IFT80: variants seen among roughly 807,000 people sequenced by gnomAD.
IFT80 encodes the protein intraflagellar transport 80, also known as intraflagellar transport protein 80 homolog.
A neutral mutation model predicts 107.9 loss-of-function variants in IFT80; 79 were observed. The observed-to-expected ratio is 0.73, with a 90% confidence interval of 0.61 to 0.88. The LOEUF (loss-of-function observed/expected upper bound fraction) is 0.88. IFT80 is among the 40% of genes least tolerant of loss of function. The pLI, the probability that IFT80 is intolerant of heterozygous loss-of-function variation, is 0.00. For missense variants in IFT80, 797 were observed against 914.2 expected (o/e 0.87, Z 1.65); for synonymous variants, 299 against 300.9 (o/e 0.99, Z 0.07).
chr3:160,376,310 T>G (rs1490442887), intron 4 of IFT80, among the ~76,000 whole-genome samples: 1 of 152,226 alleles, frequency 6.6e-6, no homozygotes, highest in Admixed American at 6.6e-5. Flanking sequence ...ACTACTCTTT[T>G]GAACAGCTTT....
intron 8 of IFT80, among the ~76,000 whole-genome samples, chr3:160,331,265 T>G (rs546071823): frequency 6.6e-6 from 1 of 152,262 alleles, no homozygotes; most frequent in African/African-American, 2.4e-5. Flanking sequence ...TACGGGTGGG[T>G]AGTGTACAGA....
At chr3:160,329,737 A>G (rs1020733415) in intron 8 of IFT80, among the ~76,000 whole-genome samples, 2 of 152,202 alleles carry the variant, frequency 1.3e-5, no homozygotes, top group Non-Finnish European at 2.9e-5. Context: ...AAGCATAAAA[A>G]TACACAGGTT....
intron 19 of IFT80, among the ~76,000 whole-genome samples, chr3:160,265,501 T>C (rs1469632646): frequency 6.6e-6 from 1 of 152,222 alleles, no homozygotes; most frequent in Non-Finnish European, 1.5e-5. Flanking sequence ...ATATTTAATA[T>C]AATAAATGTA....
intron 6 of IFT80, 53 bp downstream of exon 6, chr3:160,365,990 A>T: frequency 7.5e-7 from 1 of 1,341,712 alleles, no homozygotes; most frequent in Non-Finnish European, 1.1e-6. Context: ...AGTGCCCTCT[A>T]GTTTAGCAGT....
At chr3:160,310,659 CTA>C (rs139740753) in intron 9 of IFT80, among the ~76,000 whole-genome samples, 22,755 of 152,040 alleles carry the variant, frequency 0.15, 2,148 homozygotes, top group Non-Finnish European at 0.21. Context: ...CAGTGGGAAG[CTA>C]TATGATAGAT....
At chr3:160,297,992 C>T (rs1240085416) in intron 12 of IFT80, among the ~76,000 whole-genome samples, 3 of 152,092 alleles carry the variant, frequency 2.0e-5, no homozygotes, top group Non-Finnish European at 4.4e-5. Context: ...AACTTCCAGA[C>T]ATTTGTTTCA....
At chr3:160,370,603 G>A (rs1425882481) in intron 5 of IFT80, among the ~76,000 whole-genome samples, 7 of 151,788 alleles carry the variant, frequency 4.6e-5, no homozygotes, top group African/African-American at 1.7e-4. Context: ...CTCCCTTGGG[G>A]GGTCTCAACT....
chr3:160,334,486 A>C (rs1559945761), intron 8 of IFT80, among the ~76,000 whole-genome samples: 2 of 147,684 alleles, frequency 1.4e-5, no homozygotes, highest in Non-Finnish European at 3.0e-5. Flanking sequence ...GCACGATCTC[A>C]GCTCACTGCA....
rs117360699 is a variant in IFT80 at position 160,281,564 on chromosome 3, C to G, written c.1517-750G>C. ...AATAATAATTGGTTGCAGCCAGTGC[C>G]AGGGAAAGGTAGTCTCTCAATATAA... On this transcript the variant is annotated intron_variant, in intron 14 of 19. Transcript: ENST00000326448. 5.8e-4 allele frequency among the ~76,000 whole-genome samples: 89 copies of G among 152,260 alleles called. No homozygotes were observed. In the East Asian group the frequency reaches 0.016, roughly 27 times the overall value.
At position 160,366,097 on chromosome 3, in the gene IFT80, T is replaced by A; in HGVS notation, c.495A>T (p.Thr165=). The change falls in exon 6 of 20, where the codon ACA becomes ACT. Residue 165 remains threonine (T), a synonymous_variant. Coordinates refer to ENST00000326448, the MANE Select transcript of IFT80 (RefSeq NM_020800.3). ...WGPDSEKVLY[T]AGKQLIIKPL... ...GTTTAATGATTAGCTGCTTGCCTGC[T>A]GTATAAAGAACCTTTTCTGAATCAG... 1 of 1,612,916 alleles carries A rather than the reference T, an allele frequency of 6.2e-7. No individual in the cohort carries two copies. Among genetic ancestry groups the A allele is most frequent in the East Asian group, 2.2e-5 (1 of 44,834 alleles).
intron 11 of IFT80, among the ~76,000 whole-genome samples, chr3:160,302,274 T>A (rs1391913065): frequency 2.0e-5 from 3 of 152,012 alleles, no homozygotes. Flanking sequence ...AGTGTCTAAT[T>A]AACACCAACC....
intron 19 of IFT80, among the ~76,000 whole-genome samples, chr3:160,267,704 T>A (rs1269507207): frequency 1.3e-5 from 2 of 152,154 alleles, no homozygotes; most frequent in African/African-American, 4.8e-5. Context: ...TGTGGGCTGA[T>A]CTATACTGGA....
intron 18 of IFT80, among the ~76,000 whole-genome samples, chr3:160,273,946 C>T (rs1714026553): frequency 6.6e-6 from 1 of 152,136 alleles, no homozygotes; most frequent in African/African-American, 2.4e-5. Context: ...AATGGAGGAG[C>T]ACCCAGAATT....
At chr3:160,276,728 C>T (rs1192921400) in intron 18 of IFT80, among the ~76,000 whole-genome samples, 1 of 152,172 alleles carries the variant, frequency 6.6e-6, no homozygotes, top group East Asian at 1.9e-4. Flanking sequence ...CTTAGTACTA[C>T]ACATCTCTCT....
chr3:160,376,984 C>T (rs886188328), intron 4 of IFT80, among the ~76,000 whole-genome samples: 4 of 152,166 alleles, frequency 2.6e-5, no homozygotes, highest in African/African-American at 9.7e-5. Context: ...TGATCCCTGA[C>T]CCACAGAAAC....
At position 160,357,574 on chromosome 3, in the gene IFT80, T is replaced by C; in HGVS notation, c.554A>G (p.Lys185Arg). 1 of 1,584,684 alleles carries C rather than the reference T, an allele frequency of 6.3e-7. No homozygotes were observed. Among genetic ancestry groups the C allele is most frequent in the South Asian group, 1.1e-5 (1 of 89,490 alleles). Residue 185 changes from lysine (K) to arginine (R), a missense_variant, in exon 7 of 20, where the codon AAA becomes AGA. By Grantham distance (26) the Lys-to-Arg change is conservative (BLOSUM62 2). Coordinates refer to ENST00000326448, the MANE Select transcript of IFT80 (RefSeq NM_020800.3). ...TTTTAAAATAATGCCATCATGAGCTTTCCACTGTGAGAAAAAAGAATAAGA... is the reference window on the plus strand; with the variant it reads ...TTTTAAAATAATGCCATCATGAGCTCTCCACTGTGAGAAAAAAGAATAAGA... The part of the protein sequence containing the change: ...LQPNAKVLQW[K>R]AHDGIILKVD...
chr3:160,266,939 GT>G (rs1713380171), intron 19 of IFT80, among the ~76,000 whole-genome samples: 1 of 152,090 alleles, frequency 6.6e-6, no homozygotes, highest in African/African-American at 2.4e-5. Flanking sequence ...ATGAATCAGA[GT>G]GTAGCCCCAG....
chr3:160,324,520 C>G (rs1010923186), intron 8 of IFT80, among the ~76,000 whole-genome samples: 8 of 151,390 alleles, frequency 5.3e-5, no homozygotes, highest in Admixed American at 2.0e-4. Flanking sequence ...CAGAACCAAA[C>G]ACAAAAACAA....
intron 14 of IFT80, among the ~76,000 whole-genome samples, chr3:160,281,389 G>A (rs994214001): frequency 3.9e-5 from 6 of 152,152 alleles, no homozygotes; most frequent in African/African-American, 1.4e-4. Context: ...TTTCCCCATA[G>A]AATTGGGGTC....
Sources: allele counts gnomAD v4.1 joint callset (sites outside exome capture counted in the v4.1 genomes callset), GRCh38; gene constraint gnomAD v4.1.1; transcripts MANE v1.5; gene names NCBI Gene and HGNC (gene_info 2026-07-23, HGNC 2026-07-21).